Variants in MLIP observed in about 807,000 individuals in gnomAD.
MLIP encodes the protein muscular LMNA interacting protein.
Under a neutral mutation model 84.8 loss-of-function variants are expected in MLIP, and 79 were observed. The ratio of observed to expected loss-of-function variants is 0.93; its 90% CI spans 0.78 to 1.12. MLIP has a LOEUF of 1.12. Among genes scored for constraint, MLIP ranks in the 50% most tolerant of loss-of-function variants. The pLI is 0.00. For synonymous variants in MLIP, 504 were observed against 463.0 expected (o/e 1.09, Z -1.14); for missense variants, 1,257 against 1,160.6 (o/e 1.08, Z -1.21).
intron 9 of MLIP, among the ~76,000 whole-genome samples, chr6:54,174,605 T>C (rs776437804): frequency 1.4e-4 from 21 of 152,056 alleles, no homozygotes; most frequent in Non-Finnish European, 4.4e-5. Flanking sequence ...TATAATACTT[T>C]ATGATAGAGC....
intron 11 of MLIP, among the ~76,000 whole-genome samples, chr6:54,219,219 T>C (rs1582537879): frequency 6.6e-6 from 1 of 150,458 alleles, no homozygotes; most frequent in South Asian, 2.1e-4. Context: ...AAAATAAAAA[T>C]AAAAAATAAA....
intron 1 of MLIP, among the ~76,000 whole-genome samples, chr6:54,020,577 T>C (rs1446201161): frequency 1.3e-5 from 2 of 152,150 alleles, no homozygotes; most frequent in Non-Finnish European, 2.9e-5. Context: ...ACAGAGGACA[T>C]GGGGCAAGTG....
chr6:54,019,047 G>T lies in MLIP; in HGVS notation c.19G>T (p.Glu7Ter), dbSNP rs973371949. 1 of 1,611,078 alleles carries T rather than the reference G, an allele frequency of 6.2e-7. No homozygotes were observed. Among genetic ancestry groups the T allele is most frequent in the Non-Finnish European group, 8.5e-7 (1 of 1,178,522 alleles). The change falls in exon 1 of 13, where the codon GAA becomes TAA. Residue 7 changes from glutamate to a stop codon, truncating the protein, a stop_gained. Transcript: ENST00000274897. LOFTEE classifies it high-confidence loss of function. ...TTTCAATATGGAACTTGAAAAGCGT[G>T]AAAAAAGAAGCTTATTAAACAAGAA...
At chr6:54,051,218 A>G (rs1278407515) in intron 1 of MLIP, among the ~76,000 whole-genome samples, 1 of 151,682 alleles carries the variant, frequency 6.6e-6, no homozygotes, top group African/African-American at 2.4e-5. Flanking sequence ...ATAATATTTG[A>G]AGAACTATCC....
chr6:54,051,611 G>C (rs1345653129), intron 1 of MLIP, among the ~76,000 whole-genome samples: 2 of 151,882 alleles, frequency 1.3e-5, no homozygotes, highest in African/African-American at 2.4e-5. Flanking sequence ...CAATTTTAGG[G>C]GACTATGACA....
chr6:54,148,633 A>G (rs568954083), intron 4 of MLIP, among the ~76,000 whole-genome samples: 3 of 152,304 alleles, frequency 2.0e-5, no homozygotes, highest in East Asian at 3.9e-4. Flanking sequence ...CAAGAGCTCA[A>G]TTACACTTAT....
intron 10 of MLIP, among the ~76,000 whole-genome samples, chr6:54,195,712 C>A (rs1209015623): frequency 1.3e-5 from 2 of 152,068 alleles, no homozygotes; most frequent in Non-Finnish European, 2.9e-5. Flanking sequence ...TTAAAACCTG[C>A]CACTGGGCTT....
chr6:54,254,729 T>TA, intron 12 of MLIP, among the ~76,000 whole-genome samples: 1 of 124,604 alleles, frequency 8.0e-6, no homozygotes. Context: ...GAATCTTCTT[T>TA]TTTTTTCTCC....
chr6:54,037,553 C>T (rs577642462), intron 1 of MLIP, among the ~76,000 whole-genome samples: 13 of 152,042 alleles, frequency 8.6e-5, no homozygotes, highest in African/African-American at 2.6e-4. Context: ...TAACACTGTT[C>T]TCCATCATGG....
intron 12 of MLIP, among the ~76,000 whole-genome samples, chr6:54,242,129 G>T (rs1444869297): frequency 1.3e-5 from 2 of 152,208 alleles, no homozygotes; most frequent in African/African-American, 4.8e-5. Context: ...GTCTGATGTT[G>T]TGTGAATGAC....
chr6:54,246,102 C>T (rs192138614), intron 12 of MLIP, among the ~76,000 whole-genome samples: 8 of 152,236 alleles, frequency 5.3e-5, no homozygotes, highest in Admixed American at 5.2e-4. Context: ...TCCATAAGTT[C>T]TGTGAATCAA....
rs1771213962 is a variant in MLIP at position 54,129,607 on chromosome 6, AC to A, written c.645+4745del. Among the ~76,000 whole-genome samples, 11 of 152,320 alleles carry A rather than the reference AC, an allele frequency of 7.2e-5. No individual in the cohort carries two copies. In the South Asian group the frequency reaches 2.1e-3, roughly 29 times the overall value. Reference sequence around the variant, plus strand: ...TTAAGCAAATAATCTATAGCTTCTGACCCGAGAGATTTAGAGGTTGAAAACC... The same window carrying A: ...TTAAGCAAATAATCTATAGCTTCTGACCGAGAGATTTAGAGGTTGAAAACC... On this transcript the variant is annotated intron_variant, in intron 3 of 13. Transcript: ENST00000502396.
rs1469738499 is a variant in MLIP, at chr6:54,137,448, C to T, written c.1379C>T (p.Pro460Leu). ...GACCAAAAAGAAAAGCAGACCCCAC[C>T]CACGCCTAAAAAATCTCTCTCAAGT... Reference protein sequence around the residue: ...TLDQKEKQTPPTPKKSLSSCS... With the variant: ...TLDQKEKQTPLTPKKSLSSCS... The change falls in exon 4 of 14, where the codon CCC (proline) becomes CTC (leucine). Residue 460 changes from proline (P) to leucine (L), a missense_variant. Transcript: ENST00000502396. The T allele has an allele frequency of 6.5e-7, 1 of 1,536,058 alleles. No homozygotes were observed. Among genetic ancestry groups the T allele is most frequent in the South Asian group, 1.2e-5 (1 of 84,058 alleles).
rs542658075 is a variant in MLIP at position 54,119,923 on chromosome 6, A to C, written c.97-1524A>C. The stretch of plus-strand genomic sequence containing the variant: ...ATCTTAGTCTATTTTCTCCAGTCTC[A>C]AAGGAGAGCATGTTCCTTTTGTTGT... On this transcript the variant is annotated intron_variant, in intron 1 of 13. Coordinates refer to ENST00000502396, the MANE Select transcript of MLIP (RefSeq NM_001281747.2). Among the ~76,000 whole-genome samples the C allele has an allele frequency of 1.1e-4, 17 of 152,294 alleles. No individual in the cohort carries two copies. The East Asian group carries it at 3.3e-3, about 29-fold the overall frequency.
chr6:54,115,284 A>G (rs767388881), intron 1 of MLIP, among the ~76,000 whole-genome samples: 48 of 152,298 alleles, frequency 3.2e-4, no homozygotes, highest in Middle Eastern at 3.4e-3. Flanking sequence ...CAGGATGATG[A>G]TATAAAGGAG....
chr6:54,100,877 G>A (rs2150388820), intron 1 of MLIP, among the ~76,000 whole-genome samples: 1 of 152,162 alleles, frequency 6.6e-6, no homozygotes. Context: ...ACATCAGCTG[G>A]TTTGTTTTGC....
intron 11 of MLIP, among the ~76,000 whole-genome samples, chr6:54,224,542 T>G (rs1473891108): frequency 2.6e-5 from 4 of 152,050 alleles, no homozygotes; most frequent in Non-Finnish European, 5.9e-5. Context: ...TGGAAATACA[T>G]TCTGAGAAAT....
At chr6:54,216,305 A>T in intron 11 of MLIP, 1 of 985,288 alleles carries the variant, frequency 1.0e-6, no homozygotes, top group Non-Finnish European at 1.2e-6. Flanking sequence ...TTTCTATGTT[A>T]CTTTTGACTT....
chr6:54,079,253 T>C (rs1451633832), intron 1 of MLIP, among the ~76,000 whole-genome samples: 1 of 152,118 alleles, frequency 6.6e-6, no homozygotes, highest in Non-Finnish European at 1.5e-5. Flanking sequence ...TCCTCATGGG[T>C]GAATCTGTTT....
Sources: allele counts gnomAD v4.1 joint callset (sites outside exome capture counted in the v4.1 genomes callset), GRCh38; gene constraint gnomAD v4.1.1; transcripts MANE v1.5; gene names NCBI Gene and HGNC (gene_info 2026-07-23, HGNC 2026-07-21).